The following DNAJC1 variants were observed in gnomAD, a reference collection of about 807,000 sequenced individuals.
DNAJC1 encodes DnaJ heat shock protein family (Hsp40) member C1.
A neutral mutation model predicts 76.6 loss-of-function variants in DNAJC1; 58 were observed. The observed-to-expected ratio is 0.76, with a 90% confidence interval of 0.61 to 0.94. The LOEUF (loss-of-function observed/expected upper bound fraction) is 0.94, where lower values mean the gene tolerates loss of function less well. Among genes scored for constraint, DNAJC1 ranks in the 40% least tolerant of loss-of-function variants. DNAJC1 has a pLI of 0.00. For missense variants in DNAJC1, 689 were observed against 677.3 expected (o/e 1.02, Z -0.19); for synonymous variants, 258 against 267.9 (o/e 0.96, Z 0.36).
intron 1 of DNAJC1, among the ~76,000 whole-genome samples, chr10:21,933,812 C>G (rs977098492): frequency 6.6e-6 from 1 of 152,086 alleles, no homozygotes; most frequent in Non-Finnish European, 1.5e-5. Flanking sequence ...CCTAATGTCA[C>G]AGTGCAATGT....
At chr10:21,822,433 C>T (rs952822559) in intron 8 of DNAJC1, among the ~76,000 whole-genome samples, 8 of 132,702 alleles carry the variant, frequency 6.0e-5, no homozygotes, top group Admixed American at 2.5e-4. Context: ...AGCGAGACTC[C>T]GACTCAAATA....
At chr10:21,917,044 C>T (rs1262847111) in intron 6 of DNAJC1, among the ~76,000 whole-genome samples, 1 of 151,904 alleles carries the variant, frequency 6.6e-6, no homozygotes, top group African/African-American at 2.4e-5. Context: ...GGTCTTGGAA[C>T]CCTAATGCCT....
At position 21,947,947 on chromosome 10, in the gene DNAJC1, T is replaced by C. The variant is rs368196847; in HGVS notation, c.223-18806A>G. Among the ~76,000 whole-genome samples, 4 of 152,356 alleles carry C rather than the reference T, an allele frequency of 2.6e-5. No homozygotes were observed. The East Asian group carries it at 7.7e-4, about 29-fold the overall frequency. On this transcript the variant is annotated intron_variant, in intron 1 of 11. Transcript: ENST00000376980. Reference sequence around the variant, plus strand: ...TAGTCAAATTATTTCTAATAATTTATCATTCAACCTTTGCAGAAATGACAA... The same window carrying C: ...TAGTCAAATTATTTCTAATAATTTACCATTCAACCTTTGCAGAAATGACAA...
intron 8 of DNAJC1, among the ~76,000 whole-genome samples, chr10:21,869,726 G>A (rs920686603): frequency 2.6e-5 from 4 of 152,066 alleles, no homozygotes; most frequent in Non-Finnish European, 4.4e-5. Context: ...TCTATACCTC[G>A]TTTGGAGAAG....
intron 1 of DNAJC1, among the ~76,000 whole-genome samples, chr10:21,932,575 G>A (rs963489545): frequency 6.6e-6 from 1 of 152,206 alleles, no homozygotes; most frequent in African/African-American, 2.4e-5. Context: ...TTCTCACTAA[G>A]TGTCTTAAAG....
In DNAJC1 at chr10:21,759,409, C is replaced by T; in HGVS notation, c.1357G>A (p.Ala453Thr). Residue 453 changes from alanine to threonine, a missense_variant, in exon 11 of 12, where the codon GCT becomes ACT. Ala to Thr is a moderately conservative substitution (Grantham distance 58, BLOSUM62 0). Transcript: ENST00000376980. ...RRRKPARLLEATAKPEPEEKS... is the reference protein window; with the variant it reads ...RRRKPARLLETTAKPEPEEKS... ...TCCTCTGGCTCCGGCTTCGCTGTAG[C>T]CTCCAGCAGCCTGGCTGGCTTCCGC... The T allele has an allele frequency of 6.2e-7, 1 of 1,614,164 alleles. No individual in the cohort carries two copies. The highest frequency in any genetic ancestry group is 8.5e-7 in the Non-Finnish European group (1 of 1,180,042).
intron 1 of DNAJC1, among the ~76,000 whole-genome samples, chr10:21,982,666 C>T (rs937118895): frequency 6.7e-6 from 1 of 149,822 alleles, no homozygotes; most frequent in Admixed American, 6.7e-5. Flanking sequence ...TAGGGAAATG[C>T]AAATCAAAAC....
At chr10:21,966,460 TA>T (rs1837891076) in intron 1 of DNAJC1, among the ~76,000 whole-genome samples, 1 of 151,980 alleles carries the variant, frequency 6.6e-6, no homozygotes, top group African/African-American at 2.4e-5. Context: ...TCATCAGTCT[TA>T]ACCTTTGTTA....
intron 1 of DNAJC1, among the ~76,000 whole-genome samples, chr10:21,988,171 T>G (rs966276038): frequency 2.0e-5 from 3 of 152,152 alleles, no homozygotes; most frequent in African/African-American, 7.2e-5. Flanking sequence ...ATTATCAAAA[T>G]TTCTTAACAT....
intron 8 of DNAJC1, among the ~76,000 whole-genome samples, chr10:21,878,589 T>C (rs1043459955): frequency 1.3e-5 from 2 of 152,236 alleles, no homozygotes; most frequent in African/African-American, 4.8e-5. Flanking sequence ...CTACATACAT[T>C]TTATGCATGA....
intron 8 of DNAJC1, among the ~76,000 whole-genome samples, chr10:21,857,379 T>C (rs1320481420): frequency 6.6e-6 from 1 of 152,110 alleles, no homozygotes; most frequent in East Asian, 1.9e-4. Context: ...GGAAGACATG[T>C]TTCTTGGAAT....
At chr10:21,991,047 G>A (rs1017146846) in intron 1 of DNAJC1, among the ~76,000 whole-genome samples, 2 of 152,122 alleles carry the variant, frequency 1.3e-5, no homozygotes, top group African/African-American at 4.8e-5. Flanking sequence ...CCAACAGATT[G>A]GCACACAAAT....
At chr10:21,904,429 G>A (rs1590041525) in intron 7 of DNAJC1, 93 bp downstream of exon 7, 82 of 818,506 alleles carry the variant, frequency 1.0e-4, no homozygotes, top group South Asian at 3.2e-5. Flanking sequence ...AAGAAAACCA[G>A]AAAATTTAAT....
chr10:21,987,004 G>C (rs1330346172), intron 1 of DNAJC1, among the ~76,000 whole-genome samples: 1 of 152,138 alleles, frequency 6.6e-6, no homozygotes, highest in African/African-American at 2.4e-5. Context: ...CTGACCTCAA[G>C]TGATCCACCC....
intron 8 of DNAJC1, among the ~76,000 whole-genome samples, chr10:21,816,990 T>G (rs1160100764): frequency 7.0e-6 from 1 of 143,698 alleles, no homozygotes. Context: ...CCGTCTCTAC[T>G]AAAAATACAA....
At chr10:21,842,337 T>C (rs1039263662) in intron 8 of DNAJC1, among the ~76,000 whole-genome samples, 2 of 151,472 alleles carry the variant, frequency 1.3e-5, no homozygotes, top group Non-Finnish European at 2.9e-5. Flanking sequence ...AGGCATGAGA[T>C]AATAAGAGAT....
At chr10:21,915,669 GT>G (rs1373430444) in intron 6 of DNAJC1, among the ~76,000 whole-genome samples, 1 of 152,092 alleles carries the variant, frequency 6.6e-6, no homozygotes, top group Non-Finnish European at 1.5e-5. Flanking sequence ...CCTAGTGGTA[GT>G]TATACTTGTT....
chr10:21,936,857 AG>A (rs1837320076), intron 1 of DNAJC1, among the ~76,000 whole-genome samples: 1 of 152,220 alleles, frequency 6.6e-6, no homozygotes, highest in East Asian at 1.9e-4. Context: ...TAGTAATGGA[AG>A]AACTGGAGAA....
At position 21,759,160 on chromosome 10, in the gene DNAJC1, C is replaced by A. The variant is rs374446280; in HGVS notation, c.1596+10G>T. 1.9e-5 allele frequency: 31 copies of A among 1,607,952 alleles called. No homozygotes were observed. In the African/African-American group the frequency reaches 4.0e-4, roughly 21 times the overall value. On this transcript the variant is annotated intron_variant, in intron 11 of 11. Coordinates refer to ENST00000376980, the MANE Select transcript of DNAJC1 (RefSeq NM_022365.4). ...ACACCTGTGCAGAGGCCTCTTTCCC[C>A]ATCACTCACCTTGCTCTTGGACGGG... is the stretch of plus-strand genomic sequence containing the variant.
Sources: allele counts gnomAD v4.1 joint callset (sites outside exome capture counted in the v4.1 genomes callset), GRCh38; gene constraint gnomAD v4.1.1; transcripts MANE v1.5; gene names NCBI Gene and HGNC (gene_info 2026-07-23, HGNC 2026-07-21).